IGF1R: variants seen among roughly 807,000 people sequenced by gnomAD.
The protein encoded by IGF1R is insulin-like growth factor 1 receptor.
In IGF1R, 44 loss-of-function variants were observed where a neutral mutation model predicts 144.6. That is an observed-to-expected ratio of 0.30 (90% CI 0.24 to 0.39). The LOEUF (loss-of-function observed/expected upper bound fraction) is 0.39, where lower values mean the gene tolerates loss of function less well. IGF1R is among the 10% of genes least tolerant of loss of function. IGF1R has a pLI of 1.00. For missense variants in IGF1R, 1,355 were observed against 1,833.7 expected, an observed-to-expected ratio of 0.74 and a Z score of 4.77; for synonymous variants, 795 against 722.8, an observed-to-expected ratio of 1.10 and a Z score of -1.60.
chr15:98,835,735 G>A (rs745828330), intron 2 of IGF1R, among the ~76,000 whole-genome samples: 1 of 152,162 alleles, frequency 6.6e-6, no homozygotes. Flanking sequence ...AATAATGCTG[G>A]TCCCAAAATC....
intron 1 of IGF1R, among the ~76,000 whole-genome samples, chr15:98,697,564 A>G (rs72767957): frequency 0.17 from 25,445 of 150,702 alleles, 2,409 homozygotes; most frequent in Admixed American, 0.23. Flanking sequence ...CTGTATCTGC[A>G]GCAGAGCTGT....
chr15:98,931,218 G>A (rs2015927847), intron 15 of IGF1R, among the ~76,000 whole-genome samples: 1 of 152,176 alleles, frequency 6.6e-6, no homozygotes, highest in African/African-American at 2.4e-5. Context: ...CAGCCCTCAG[G>A]AGGGGCTGGA....
Position 98,649,026 on chromosome 15 carries a change from G to A in IGF1R, c.-556G>A, listed in dbSNP as rs1369219052. 5 of 175,956 alleles carry A rather than the reference G, an allele frequency of 2.8e-5. No homozygotes were observed. The highest frequency in any genetic ancestry group is 4.2e-4 in the South Asian group (2 of 4,718). The allele number at this position is 175,956 out of a possible 1,614,324, so 10.9% of individuals were successfully genotyped here. A position where few individuals can be genotyped will look rare whatever the true frequency, so the allele number is the denominator to read the frequency against. On this transcript the variant is annotated 5_prime_UTR_variant, in exon 1 of 21. Coordinates refer to ENST00000650285, the MANE Select transcript of IGF1R (RefSeq NM_000875.5). ...CTGAGGGAGGAGGCGGCGGCGAGCG[G>A]AGCCAGGAGGAGGAGGAGGAGGGGG... is the stretch of plus-strand genomic sequence containing the variant.
intron 2 of IGF1R, among the ~76,000 whole-genome samples, chr15:98,736,193 T>G (rs1249358913): frequency 6.6e-6 from 1 of 152,248 alleles, no homozygotes; most frequent in East Asian, 1.9e-4. Flanking sequence ...TAGTTCACTT[T>G]GCTTCTGTCG....
Position 98,957,574 on chromosome 15 carries a change from C to T in IGF1R, c.*132C>T, listed in dbSNP as rs2017056408. On this transcript the variant is annotated 3_prime_UTR_variant, in exon 21 of 21. Coordinates refer to ENST00000650285, the MANE Select transcript of IGF1R (RefSeq NM_000875.5). ...TGGATCTTCAGAACTGCCCTTGCTG[C>T]CCGCGGGAGACAGCTTCTCTGCAGT... 1.8e-6 allele frequency: 2 copies of T among 1,136,716 alleles called. No individual in the cohort carries two copies. Among genetic ancestry groups the T allele is most frequent in the Non-Finnish European group, 2.6e-6 (2 of 775,280 alleles). 70.4% of individuals were successfully genotyped at this position (1,136,716 alleles called of 1,614,324 possible). A position where few individuals can be genotyped will look rare whatever the true frequency, so the allele number is the denominator to read the frequency against.
chr15:98,951,781 G>T (rs1019474315), intron 20 of IGF1R, among the ~76,000 whole-genome samples: 1 of 151,950 alleles, frequency 6.6e-6, no homozygotes, highest in Non-Finnish European at 1.5e-5. Context: ...TGCAGAGTTC[G>T]GCACACTCTT....
At chr15:98,660,870 T>A (rs746715777) in intron 1 of IGF1R, among the ~76,000 whole-genome samples, 2 of 152,138 alleles carry the variant, frequency 1.3e-5, no homozygotes, top group Non-Finnish European at 2.9e-5. Flanking sequence ...TTTTAAACCC[T>A]CTTGGAGCTG....
Position 98,959,538 on chromosome 15 carries a change from G to GCCCAAGAGC in IGF1R, c.*2100_*2108dup, listed in dbSNP as rs2017142519. On this transcript the variant is annotated 3_prime_UTR_variant, in exon 21 of 21. Transcript: ENST00000650285. The stretch of plus-strand genomic sequence containing the variant: ...TGGAGGCAGCACAGACGCCACGGTG[G>GCCCAAGAGC]CCCAAGAGCCCCTTTGCTTCTTGCT... The GCCCAAGAGC allele has an allele frequency of 8.6e-6, 2 of 233,576 alleles. No individual in the cohort carries two copies. Among genetic ancestry groups the GCCCAAGAGC allele is most frequent in the East Asian group, 1.2e-4 (2 of 16,570 alleles). 14.5% of individuals were successfully genotyped at this position (233,576 alleles called of 1,614,324 possible).
intron 1 of IGF1R, among the ~76,000 whole-genome samples, chr15:98,678,304 A>C (rs2053098852): frequency 1.3e-5 from 2 of 152,188 alleles, no homozygotes; most frequent in South Asian, 4.1e-4. Context: ...CTTATTTTAA[A>C]TGAGATAGCT....
At chr15:98,946,867 CCACATCCT>C (rs1455820696) in intron 19 of IGF1R, among the ~76,000 whole-genome samples, 1 of 152,216 alleles carries the variant, frequency 6.6e-6, no homozygotes, top group Non-Finnish European at 1.5e-5. Flanking sequence ...TGGGAGGGAG[CCACATCCT>C]CAGGCCATTT....
At chr15:98,698,886 T>C (rs968806320) in intron 1 of IGF1R, among the ~76,000 whole-genome samples, 2 of 152,214 alleles carry the variant, frequency 1.3e-5, no homozygotes, top group Non-Finnish European at 2.9e-5. Context: ...CTTAGATAAC[T>C]GGCTAATTGA....
At chr15:98,652,103 G>T (rs2052383656) in intron 1 of IGF1R, among the ~76,000 whole-genome samples, 1 of 152,200 alleles carries the variant, frequency 6.6e-6, no homozygotes, top group Non-Finnish European at 1.5e-5. Flanking sequence ...GAGTGTGATG[G>T]CAGTAGAAAG....
At chr15:98,663,793 G>A (rs945282617) in intron 1 of IGF1R, among the ~76,000 whole-genome samples, 2 of 152,224 alleles carry the variant, frequency 1.3e-5, no homozygotes, top group African/African-American at 4.8e-5. Flanking sequence ...GCTGGCCAAC[G>A]CGGCAGGGCT....
chr15:98,719,378 G>T (rs1263410712), intron 2 of IGF1R, among the ~76,000 whole-genome samples: 2 of 152,146 alleles, frequency 1.3e-5, no homozygotes, highest in Non-Finnish European at 2.9e-5. Context: ...GTGACCAGTA[G>T]TCCTTTATGA....
intron 2 of IGF1R, among the ~76,000 whole-genome samples, chr15:98,740,994 T>A (rs1226588605): frequency 6.6e-6 from 1 of 152,124 alleles, no homozygotes; most frequent in Non-Finnish European, 1.5e-5. Context: ...ATTTGTGGTT[T>A]AAAAAAAATT....
At position 98,911,581 on chromosome 15, in the gene IGF1R, T is replaced by A. The variant is rs1310221287; in HGVS notation, c.1589+140T>A. The A allele has an allele frequency of 2.8e-6, 3 of 1,059,008 alleles. No homozygotes were observed. The East Asian group carries it at 7.1e-5, about 25-fold the overall frequency. The allele number at this position is 1,059,008 out of a possible 1,614,324, so 65.6% of individuals were successfully genotyped here. A position where few individuals can be genotyped will look rare whatever the true frequency, so the allele number is the denominator to read the frequency against. On this transcript the variant is annotated intron_variant, in intron 7 of 20. Transcript: ENST00000650285. ...GGAGAGCCACGCCAAACATCCCTAC[T>A]TCATCCTCATGCACCCTCTCGGGCT... is the stretch of plus-strand genomic sequence containing the variant.
At chr15:98,803,043 T>C (rs1360255315) in intron 2 of IGF1R, among the ~76,000 whole-genome samples, 1 of 152,206 alleles carries the variant, frequency 6.6e-6, no homozygotes, top group Non-Finnish European at 1.5e-5. Flanking sequence ...TGAAGGTAAT[T>C]AAAAATGTAC....
At chr15:98,756,504 TTC>T (rs1472214298) in intron 2 of IGF1R, among the ~76,000 whole-genome samples, 2 of 152,254 alleles carry the variant, frequency 1.3e-5, no homozygotes, top group East Asian at 3.9e-4. Flanking sequence ...TCATAACCCT[TTC>T]TCATTACTAA....
At position 98,894,293 on chromosome 15, in the gene IGF1R, G is replaced by C. The variant is rs373361740; in HGVS notation, c.954-2464G>C. Reference sequence around the variant, plus strand: ...GAGAGAAACTAAACATACACTTATGGTACAACCCAGCAGTTGTAACCCTGG... The same window carrying C: ...GAGAGAAACTAAACATACACTTATGCTACAACCCAGCAGTTGTAACCCTGG... On this transcript the variant is annotated intron_variant, in intron 3 of 20. Transcript: ENST00000650285. Among the ~76,000 whole-genome samples, 159 of 152,188 alleles carry C rather than the reference G, an allele frequency of 1.0e-3. 4 individuals are homozygous for C. The South Asian group carries it at 0.032, about 30-fold the overall frequency.
Sources: gnomAD v4.1 joint callset for allele counts (sites outside exome capture counted in the v4.1 genomes callset) on GRCh38, gnomAD v4.1.1 for gene constraint, MANE v1.5 for transcripts, NCBI Gene and HGNC (gene_info 2026-07-23, HGNC 2026-07-21) for gene names.